CSMD1: variants seen among roughly 807,000 people sequenced by gnomAD.
CSMD1 encodes the protein CUB and sushi domain-containing protein 1.
In CSMD1, 213 loss-of-function variants were observed where a neutral mutation model predicts 417.5. That is an observed-to-expected ratio of 0.51 (90% CI 0.46 to 0.57). The LOEUF (loss-of-function observed/expected upper bound fraction) is 0.57, where lower values mean the gene tolerates loss of function less well. Among genes scored for constraint, CSMD1 ranks in the 20% least tolerant of loss-of-function variants. The probability of loss-of-function intolerance (pLI) is 0.00; values close to 1 mark genes in which losing one functional copy is unlikely to be tolerated. For missense variants in CSMD1, 6,923 were observed against 4,529.7 expected (o/e 1.53, Z -15.17); for synonymous variants, 2,862 against 1,736.8 (o/e 1.65, Z -16.11).
intron 2 of CSMD1, among the ~76,000 whole-genome samples, chr8:4,492,611 T>A (rs1353605787): frequency 6.6e-6 from 1 of 152,208 alleles, no homozygotes; most frequent in Non-Finnish European, 1.5e-5. Context: ...TTGGTTTAAT[T>A]ATGTCCATGA....
In CSMD1 at chr8:4,970,381, G is replaced by T. The variant is rs562432410; in HGVS notation, c.85+23951C>A. Among the ~76,000 whole-genome samples the T allele has an allele frequency of 7.2e-5, 11 of 152,220 alleles. No homozygotes were observed. The South Asian group carries it at 1.5e-3, about 20-fold the overall frequency. On this transcript the variant is annotated intron_variant, in intron 1 of 69. Transcript: ENST00000635120. The stretch of plus-strand genomic sequence containing the variant: ...ATTCAAAAATGGTATCAGCTTTTAT[G>T]CTAATGTTATCATTATTTTTATCTT...
intron 5 of CSMD1, among the ~76,000 whole-genome samples, chr8:3,806,417 C>A (rs917645993): frequency 2.0e-5 from 3 of 152,164 alleles, no homozygotes; most frequent in Admixed American, 2.0e-4. Flanking sequence ...AGCCCTCAAG[C>A]ATCCTGATAC....
chr8:3,551,638 C>T (rs747676755), intron 10 of CSMD1, among the ~76,000 whole-genome samples: 18 of 137,956 alleles, frequency 1.3e-4, no homozygotes, highest in East Asian at 1.3e-3. Flanking sequence ...ATGTTCTTTC[C>T]GGTGCTCATT....
chr8:3,703,928 G>A (rs577239859), intron 7 of CSMD1, among the ~76,000 whole-genome samples: 18 of 152,060 alleles, frequency 1.2e-4, no homozygotes, highest in African/African-American at 3.6e-4. Context: ...AAAATTAGTC[G>A]GACATGGTGG....
chr8:4,376,355 C>G (rs865986137), intron 3 of CSMD1, among the ~76,000 whole-genome samples: 3 of 152,166 alleles, frequency 2.0e-5, no homozygotes, highest in Admixed American at 6.6e-5. Flanking sequence ...AATCTCAACT[C>G]TTAGAAATAC....
At chr8:4,715,406 AC>A (rs1301127237) in intron 1 of CSMD1, among the ~76,000 whole-genome samples, 2 of 152,216 alleles carry the variant, frequency 1.3e-5, no homozygotes, top group African/African-American at 4.8e-5. Flanking sequence ...TAAAACAGAT[AC>A]CTTTATTCAT....
At chr8:3,997,698 C>T (rs1815323050) in intron 5 of CSMD1, among the ~76,000 whole-genome samples, 1 of 152,136 alleles carries the variant, frequency 6.6e-6, no homozygotes, top group Non-Finnish European at 1.5e-5. Context: ...TCCCGAGCTC[C>T]AAACACCAGC....
chr8:3,076,461 G>T (rs78523483), intron 49 of CSMD1, among the ~76,000 whole-genome samples: 32 of 152,252 alleles, frequency 2.1e-4, no homozygotes, highest in Middle Eastern at 3.4e-3. Flanking sequence ...CTTTTTTTGA[G>T]GGGACTCAAT....
intron 3 of CSMD1, among the ~76,000 whole-genome samples, chr8:4,379,421 C>T (rs1267936637): frequency 6.6e-6 from 1 of 152,106 alleles, no homozygotes; most frequent in Non-Finnish European, 1.5e-5. Context: ...TGGTGAGTTC[C>T]AGTAAAGCCT....
intron 5 of CSMD1, among the ~76,000 whole-genome samples, chr8:3,813,566 C>T (rs1216067859): frequency 6.6e-6 from 1 of 152,116 alleles, no homozygotes; most frequent in Non-Finnish European, 1.5e-5. Context: ...GAGTCTATAA[C>T]ACAATTTAAC....
At chr8:3,385,842 G>T (rs143411382) in intron 18 of CSMD1, among the ~76,000 whole-genome samples, 1 of 151,934 alleles carries the variant, frequency 6.6e-6, no homozygotes, top group African/African-American at 2.4e-5. Context: ...GTTGGCCAGA[G>T]AATTCCTCTG....
chr8:4,073,984 G>T (rs941165776), intron 3 of CSMD1, among the ~76,000 whole-genome samples: 1 of 151,980 alleles, frequency 6.6e-6, no homozygotes. Flanking sequence ...TTTGTCATTG[G>T]CTTTGGGAAG....
In CSMD1 at chr8:3,308,337, CCA is replaced by C; in HGVS notation, c.3796_3797del (p.Trp1266GlyfsTer33). 1 of 1,612,470 alleles carries C rather than the reference CCA, an allele frequency of 6.2e-7. No individual in the cohort carries two copies. Among genetic ancestry groups the C allele is most frequent in the Non-Finnish European group, 8.5e-7 (1 of 1,179,010 alleles). ...CTATGCACGAAGGTAGTGGTTTGTC[CCA>C]CACTCTCCTGTCTCCACTCAAACAG... ...LTCLSGDRRV[W>X]DKPLPSCIAE... On this transcript the variant is annotated frameshift_variant, in exon 24 of 70. Transcript: ENST00000635120. LOFTEE classifies it high-confidence loss of function.
chr8:4,261,003 A>G (rs1480244906), intron 3 of CSMD1, among the ~76,000 whole-genome samples: 1 of 152,202 alleles, frequency 6.6e-6, no homozygotes, highest in Non-Finnish European at 1.5e-5. Context: ...TCATTCAATT[A>G]AAATACAAAG....
intron 26 of CSMD1, among the ~76,000 whole-genome samples, chr8:3,254,280 C>T (rs1355105957): frequency 7.9e-5 from 12 of 152,114 alleles, no homozygotes; most frequent in South Asian, 2.1e-4. Context: ...GTGGGTAACC[C>T]GACCTTTCTC....
At chr8:4,441,945 C>T (rs994561525) in intron 2 of CSMD1, among the ~76,000 whole-genome samples, 1 of 152,138 alleles carries the variant, frequency 6.6e-6, no homozygotes, top group Non-Finnish European at 1.5e-5. Flanking sequence ...AACCATTGTA[C>T]TGAGAAACTC....
rs147198017 is a variant in CSMD1 at position 3,337,817 on chromosome 8, C to T, written c.3631+5477G>A. Among the ~76,000 whole-genome samples, 40 of 152,230 alleles carry T rather than the reference C, an allele frequency of 2.6e-4. No homozygotes were observed. In the East Asian group the frequency reaches 6.2e-3, roughly 24 times the overall value. On this transcript the variant is annotated intron_variant, in intron 23 of 69. Coordinates refer to ENST00000635120, the MANE Select transcript of CSMD1 (RefSeq NM_033225.6). ...TTATGAGTCATTAAACAAAAGTATT[C>T]CTTTGAGTGGCTCTGCTACAAACCC... is the stretch of plus-strand genomic sequence containing the variant.
chr8:3,201,556 A>C, intron 32 of CSMD1, 56 bp downstream of exon 32: 1 of 900,630 alleles, frequency 1.1e-6, no homozygotes, highest in Non-Finnish European at 1.7e-6. Context: ...ACAAGTTAAA[A>C]ATTAATCCCC....
Position 3,201,641 on chromosome 8 carries a change from A to T in CSMD1, c.5069T>A (p.Leu1690His). The T allele has an allele frequency of 1.2e-6, 2 of 1,605,424 alleles. No homozygotes were observed. The highest frequency in any genetic ancestry group is 1.7e-6 in the Non-Finnish European group (2 of 1,175,700). ...GTGAGACCCCGAGAGTGAGCTGAGA[A>T]GTCTGGCCTGTGCATGGGTTCCATC... ...LFDGTHAQAR[L>H]LSSLSGSHSG... Residue 1690 changes from leucine to histidine, a missense_variant, in exon 32 of 70, where the codon CTT becomes CAT. Coordinates refer to ENST00000635120, the MANE Select transcript of CSMD1 (RefSeq NM_033225.6).
Sources: gnomAD v4.1 joint callset for allele counts (sites outside exome capture counted in the v4.1 genomes callset) on GRCh38, gnomAD v4.1.1 for gene constraint, MANE v1.5 for transcripts, NCBI Gene and HGNC (gene_info 2026-07-23, HGNC 2026-07-21) for gene names.